ENAH: variants seen among roughly 807,000 people sequenced by gnomAD.
ENAH encodes the protein ENAH actin regulator.
ENAH carries 23 observed loss-of-function variants against 78.7 expected under a neutral mutation model. That is an observed-to-expected ratio of 0.29 (90% CI 0.21 to 0.41). The LOEUF is 0.41. ENAH is among the 10% of genes least tolerant of loss of function. The pLI is 1.00. For missense variants in ENAH, 544 were observed against 691.0 expected (o/e 0.79, Z 2.39); for synonymous variants, 226 against 241.0 (o/e 0.94, Z 0.58).
intron 3 of ENAH, among the ~76,000 whole-genome samples, chr1:225,540,698 A>G (rs1171225121): frequency 2.2e-5 from 3 of 134,128 alleles, no homozygotes; most frequent in Non-Finnish European, 5.1e-5. Flanking sequence ...CGTTTATTTA[A>G]AAAAAAAAAA....
At position 225,641,659 on chromosome 1, in the gene ENAH, G is replaced by A. The variant is rs1391859410; in HGVS notation, c.5+11027C>T. ...CCTAGCACTTTAGGAGGCTGAGGCG[G>A]GCAGATCACGTGAGGTCCGGAGTTC... On this transcript the variant is annotated intron_variant, in intron 1 of 13. Transcript: ENST00000366843. 2.0e-5 allele frequency among the ~76,000 whole-genome samples: 3 copies of A among 151,916 alleles called. No homozygotes were observed. The East Asian group carries it at 5.8e-4, about 29-fold the overall frequency.
chr1:225,541,967 A>G (rs183043054), intron 3 of ENAH, among the ~76,000 whole-genome samples: 6 of 152,262 alleles, frequency 3.9e-5, no homozygotes, highest in Admixed American at 3.9e-4. Flanking sequence ...TGGAACCTCA[A>G]ACTCCCAGGC....
intron 9 of ENAH, 89 bp downstream of exon 9, chr1:225,512,568 A>G: frequency 7.5e-7 from 1 of 1,340,202 alleles, no homozygotes; most frequent in Non-Finnish European, 1.0e-6. Context: ...AATTAAGCCC[A>G]AATTAAATAA....
chr1:225,517,799 C>T (rs564449522), intron 5 of ENAH: 90 of 1,551,276 alleles, frequency 5.8e-5, no homozygotes, highest in Non-Finnish European at 7.6e-5. Context: ...AAACGTGTCG[C>T]TGAGTGTCGC....
intron 1 of ENAH, among the ~76,000 whole-genome samples, chr1:225,598,315 GAAGA>G (rs1297861421): frequency 6.6e-6 from 1 of 151,006 alleles, no homozygotes; most frequent in East Asian, 1.9e-4. Flanking sequence ...AAAAATAGAA[GAAGA>G]AAGTGAGAAA....
intron 9 of ENAH, among the ~76,000 whole-genome samples, chr1:225,512,116 C>T (rs955776862): frequency 3.9e-5 from 6 of 152,128 alleles, no homozygotes; most frequent in Admixed American, 3.3e-4. Flanking sequence ...AAGCCAGACA[C>T]GAGAGACAGA....
chr1:225,597,462 C>A (rs1284257654), intron 1 of ENAH, among the ~76,000 whole-genome samples: 1 of 151,810 alleles, frequency 6.6e-6, no homozygotes, highest in African/African-American at 2.4e-5. Flanking sequence ...GAGTTCAAGA[C>A]CAGCTTGAGT....
intron 1 of ENAH, among the ~76,000 whole-genome samples, chr1:225,635,710 CAGAGT>C (rs1456152456): frequency 6.6e-6 from 1 of 152,098 alleles, no homozygotes; most frequent in Non-Finnish European, 1.5e-5. Flanking sequence ...GAGGTCACAC[CAGAGT>C]AGAGTGGACC....
intron 4 of ENAH, 47 bp from the exon 5 acceptor site, chr1:225,519,612 A>C (rs1354661072): frequency 6.4e-7 from 1 of 1,562,326 alleles, no homozygotes; most frequent in Non-Finnish European, 8.6e-7. Context: ...ATGGCTACTC[A>C]TCATGAAAAA....
intron 1 of ENAH, among the ~76,000 whole-genome samples, chr1:225,640,494 C>T (rs576761036): frequency 9.3e-4 from 142 of 152,314 alleles, no homozygotes; most frequent in Admixed American, 1.6e-3. Context: ...CTCACTCACA[C>T]ATTAACATTT....
chr1:225,604,778 G>A (rs1025417140), intron 1 of ENAH, among the ~76,000 whole-genome samples: 1 of 152,098 alleles, frequency 6.6e-6, no homozygotes, highest in Non-Finnish European at 1.5e-5. Context: ...GGGCAACACA[G>A]CAAGACCCTG....
intron 1 of ENAH, among the ~76,000 whole-genome samples, chr1:225,632,272 G>A (rs1385764349): frequency 6.6e-6 from 1 of 152,144 alleles, no homozygotes; most frequent in Non-Finnish European, 1.5e-5. Context: ...GCCAAAGCGG[G>A]CAGATCACCT....
chr1:225,606,478 A>G (rs1041851771), intron 1 of ENAH, among the ~76,000 whole-genome samples: 7 of 151,500 alleles, frequency 4.6e-5, no homozygotes, highest in Non-Finnish European at 1.0e-4. Context: ...AAAAAAAAGG[A>G]ATTACCATAT....
intron 3 of ENAH, among the ~76,000 whole-genome samples, chr1:225,546,072 C>G (rs991518377): frequency 6.6e-6 from 1 of 151,806 alleles, no homozygotes; most frequent in African/African-American, 2.4e-5. Flanking sequence ...TATAGATGTA[C>G]GCCATCATGC....
intron 3 of ENAH, 123 bp from the exon 4 acceptor site, chr1:225,530,761 G>A: frequency 1.4e-6 from 1 of 735,442 alleles, no homozygotes; most frequent in South Asian, 1.9e-5. Flanking sequence ...TTTTTGTCTA[G>A]CAAAATAAAA....
chr1:225,505,192 C>G (rs531894624), intron 11 of ENAH: 4 of 525,902 alleles, frequency 7.6e-6, no homozygotes, highest in Non-Finnish European at 1.3e-5. Flanking sequence ...CCAATTTTTC[C>G]CCAATAAAAG....
intron 1 of ENAH, among the ~76,000 whole-genome samples, chr1:225,641,573 G>T (rs1267340803): frequency 6.8e-6 from 1 of 147,870 alleles, no homozygotes; most frequent in Non-Finnish European, 1.5e-5. Context: ...ATGAAAAAAA[G>T]AATGGAAAAC....
intron 6 of ENAH, among the ~76,000 whole-genome samples, chr1:225,516,711 T>C (rs2096420463): frequency 6.6e-6 from 1 of 151,808 alleles, no homozygotes; most frequent in Non-Finnish European, 1.5e-5. Flanking sequence ...CTGTCTCTAC[T>C]AAAAATACAA....
chr1:225,637,454 G>A lies in ENAH; in HGVS notation c.5+15232C>T, dbSNP rs566420693. On this transcript the variant is annotated intron_variant, in intron 1 of 13. Coordinates refer to ENST00000366843, the MANE Select transcript of ENAH (RefSeq NM_018212.6). Reference sequence around the variant, plus strand: ...ACTCCTGGCCTCAAATGATCCACCCGCCTCAGCCTCCCAAAGTGCTGGGAT... The same window carrying A: ...ACTCCTGGCCTCAAATGATCCACCCACCTCAGCCTCCCAAAGTGCTGGGAT... Among the ~76,000 whole-genome samples, 7 of 152,216 alleles carry A rather than the reference G, an allele frequency of 4.6e-5. No individual in the cohort carries two copies. The South Asian group carries it at 1.0e-3, about 23-fold the overall frequency.
Sources: allele counts gnomAD v4.1 joint callset (sites outside exome capture counted in the v4.1 genomes callset), GRCh38; gene constraint gnomAD v4.1.1; transcripts MANE v1.5; gene names NCBI Gene and HGNC (gene_info 2026-07-23, HGNC 2026-07-21).